PRKAR1B: variants seen among roughly 807,000 people sequenced by gnomAD.
The protein encoded by PRKAR1B is protein kinase cAMP-dependent type I regulatory subunit beta.
Under a neutral mutation model 46.5 loss-of-function variants are expected in PRKAR1B, and 22 were observed. The observed-to-expected ratio is 0.47, with a 90% CI of 0.34 to 0.68. PRKAR1B has a LOEUF of 0.68. Among genes scored for constraint, PRKAR1B ranks in the 30% least tolerant of loss-of-function variants. PRKAR1B has a pLI of 0.01. For missense variants in PRKAR1B, 445 were observed against 535.6 expected, an observed-to-expected ratio of 0.83 and a Z score of 1.67; for synonymous variants, 259 against 217.7, an observed-to-expected ratio of 1.19 and a Z score of -1.67.
intron 7 of PRKAR1B, among the ~76,000 whole-genome samples, chr7:589,638 G>A (rs995846419): frequency 3.3e-5 from 5 of 152,272 alleles, no homozygotes; most frequent in South Asian, 2.1e-4. Flanking sequence ...GAACTGAAAC[G>A]GGACAATCTT....
intron 9 of PRKAR1B, among the ~76,000 whole-genome samples, chr7:552,849 A>AG (rs745634704): frequency 3.3e-5 from 5 of 152,134 alleles, no homozygotes; most frequent in Non-Finnish European, 5.9e-5. Flanking sequence ...GGGAAAGGGG[A>AG]GGGGGGCGCT....
intron 1 of PRKAR1B, among the ~76,000 whole-genome samples, chr7:721,035 T>C (rs1781053873): frequency 6.6e-6 from 1 of 152,214 alleles, no homozygotes; most frequent in African/African-American, 2.4e-5. Context: ...TTTTTTAGAA[T>C]TCCACGTTAT....
At chr7:596,389 C>G (rs1345389027) in intron 6 of PRKAR1B, 85 bp from the exon 7 acceptor site, 1 of 1,500,228 alleles carries the variant, frequency 6.7e-7, no homozygotes, top group African/African-American at 1.4e-5. Context: ...CCCCTTAGCT[C>G]TCTCCAGAAG....
intron 9 of PRKAR1B, 92 bp downstream of exon 9, chr7:579,164 G>T: frequency 6.2e-7 from 1 of 1,604,480 alleles, no homozygotes; most frequent in Non-Finnish European, 8.5e-7. Context: ...GACTCCAGAG[G>T]GAGGGTGAGG....
rs925361093 is a variant in PRKAR1B at position 555,564 on chromosome 7, C to A, written c.892-4094G>T. ...GCTCTGGAGAGATGTGTTTTGTAAA[C>A]CTCTGCTGTCTTTCCCTCCAGCCCG... is the stretch of plus-strand genomic sequence containing the variant. On this transcript the variant is annotated intron_variant, in intron 9 of 10. Coordinates refer to ENST00000537384, the MANE Select transcript of PRKAR1B (RefSeq NM_001164760.2). Among the ~76,000 whole-genome samples the A allele has an allele frequency of 2.0e-5, 3 of 152,156 alleles. No homozygotes were observed. The East Asian group carries it at 5.8e-4, about 29-fold the overall frequency.
In PRKAR1B at chr7:550,462, G is replaced by C. The variant is rs765576596; in HGVS notation, c.1114C>G (p.Arg372Gly). The C allele has an allele frequency of 1.9e-6, 3 of 1,596,326 alleles. No homozygotes were observed. Among genetic ancestry groups the C allele is most frequent in the Non-Finnish European group, 2.6e-6 (3 of 1,172,066 alleles). Residue 372 changes from arginine to glycine, a missense_variant, in exon 11 of 11, where the codon CGT (arginine) becomes GGT (glycine). By Grantham distance (125) the Arg-to-Gly change is moderately radical (BLOSUM62 -2). Coordinates refer to ENST00000537384, the MANE Select transcript of PRKAR1B (RefSeq NM_001164760.2). The stretch of plus-strand genomic sequence containing the variant: ...GTGAGGGAGATGAAGCTGTTGTAAC[G>C]CTGAATGTTCCTCTTGAGGATCTCA... Reference protein sequence around the residue: ...CSEILKRNIQRYNSFISLTV With the variant: ...CSEILKRNIQGYNSFISLTV
At chr7:716,757 G>A (rs1261947871) in intron 1 of PRKAR1B, 1 of 152,240 alleles carries the variant, frequency 6.6e-6, no homozygotes, top group African/African-American at 2.4e-5. Flanking sequence ...GTGGTTTGAG[G>A]TGGGATCTGT....
At chr7:559,862 G>T (rs529391517) in intron 9 of PRKAR1B, among the ~76,000 whole-genome samples, 8 of 152,296 alleles carry the variant, frequency 5.3e-5, no homozygotes, top group Non-Finnish European at 1.0e-4. Flanking sequence ...GATTCCTTGA[G>T]CCCAGGTGTT....
At chr7:569,897 G>A (rs751026880) in intron 9 of PRKAR1B, among the ~76,000 whole-genome samples, 17 of 152,222 alleles carry the variant, frequency 1.1e-4, no homozygotes, top group Admixed American at 8.5e-4. Context: ...CACTGTCCCC[G>A]CGCAGATGTC....
chr7:705,227 C>T (rs1057156579), intron 2 of PRKAR1B, among the ~76,000 whole-genome samples: 3 of 150,014 alleles, frequency 2.0e-5, no homozygotes, highest in African/African-American at 7.4e-5. Flanking sequence ...CACCTGAACG[C>T]GGGGAGCAGA....
chr7:724,414 G>A (rs569927919), intron 1 of PRKAR1B, among the ~76,000 whole-genome samples: 1 of 152,164 alleles, frequency 6.6e-6, no homozygotes, highest in Non-Finnish European at 1.5e-5. Context: ...ATAAGGGGGA[G>A]TTTCCCTGCA....
At chr7:595,873 C>T (rs1018335087) in intron 7 of PRKAR1B, among the ~76,000 whole-genome samples, 23 of 152,186 alleles carry the variant, frequency 1.5e-4, no homozygotes, top group African/African-American at 3.4e-4. Flanking sequence ...CCTGGCCCAA[C>T]ATGGCAGCTG....
chr7:664,301 T>A (rs573602088), intron 4 of PRKAR1B, among the ~76,000 whole-genome samples: 76 of 152,324 alleles, frequency 5.0e-4, no homozygotes, highest in Admixed American at 1.4e-3. Flanking sequence ...GGTCGCTATG[T>A]GGTCCCCGAC....
chr7:569,545 G>C (rs1418575870), intron 9 of PRKAR1B, among the ~76,000 whole-genome samples: 1 of 152,220 alleles, frequency 6.6e-6, no homozygotes, highest in Admixed American at 6.5e-5. Flanking sequence ...GCCTACAAAG[G>C]GGGGCCAGGG....
intron 4 of PRKAR1B, among the ~76,000 whole-genome samples, chr7:648,943 C>T (rs537170046): frequency 9.2e-5 from 14 of 152,260 alleles, no homozygotes; most frequent in South Asian, 2.1e-4. Flanking sequence ...GCAGGTGGAT[C>T]GCCTGAGGTC....
At chr7:587,192 A>T (rs1181011476) in intron 7 of PRKAR1B, among the ~76,000 whole-genome samples, 1 of 152,206 alleles carries the variant, frequency 6.6e-6, no homozygotes, top group Non-Finnish European at 1.5e-5. Flanking sequence ...TGACACTCAG[A>T]GGAGCCCCCC....
chr7:589,931 C>T (rs995407442), intron 7 of PRKAR1B, among the ~76,000 whole-genome samples: 9 of 152,246 alleles, frequency 5.9e-5, no homozygotes, highest in Admixed American at 1.3e-4. Flanking sequence ...GATGCCAACA[C>T]CAAGCCCACG....
intron 2 of PRKAR1B, among the ~76,000 whole-genome samples, chr7:698,077 G>A (rs1779865772): frequency 9.6e-6 from 1 of 104,166 alleles, no homozygotes; most frequent in Admixed American, 9.5e-5. Context: ...GGGAGGGAAG[G>A]GAGCAGAGGG....
chr7:606,329 T>C (rs1782050004), intron 5 of PRKAR1B, 90 bp from the exon 6 acceptor site: 5 of 1,194,952 alleles, frequency 4.2e-6, no homozygotes, highest in Non-Finnish European at 6.1e-6. Context: ...GCAACACTGT[T>C]GCAGAGACCC....
Sources: gnomAD v4.1 joint callset for allele counts (sites outside exome capture counted in the v4.1 genomes callset) on GRCh38, gnomAD v4.1.1 for gene constraint, MANE v1.5 for transcripts, NCBI Gene and HGNC (gene_info 2026-07-23, HGNC 2026-07-21) for gene names.